COG3: variants seen among roughly 807,000 people sequenced by gnomAD.
COG3 encodes the protein conserved oligomeric Golgi complex subunit 3.
In COG3, 32 loss-of-function variants were observed where a neutral mutation model predicts 114.1. The ratio of observed to expected loss-of-function variants is 0.28; its 90% CI spans 0.21 to 0.38. The LOEUF is 0.38. Among genes scored for constraint, COG3 ranks in the 10% least tolerant of loss-of-function variants. COG3 has a pLI of 1.00. For synonymous variants in COG3, 352 were observed against 365.7 expected, an observed-to-expected ratio of 0.96 and a Z score of 0.43; for missense variants, 813 against 973.2, an observed-to-expected ratio of 0.84 and a Z score of 2.19.
At chr13:45,489,185 TCAAAAAA>T (rs1296486858) in intron 8 of COG3, among the ~76,000 whole-genome samples, 1 of 23,098 alleles carries the variant, frequency 4.3e-5, no homozygotes, top group African/African-American at 2.4e-4. Flanking sequence ...AGACTCTGTT[TCAAAAAA>T]AAAAAAAAAA....
chr13:45,482,509 C>G (rs1156410854), intron 6 of COG3, 36 bp downstream of exon 6: 3 of 969,160 alleles, frequency 3.1e-6, no homozygotes, highest in South Asian at 2.9e-5. Context: ...TTAAAGAAAT[C>G]CTTAGATTCC....
chr13:45,486,289 T>A (rs1476737327), intron 7 of COG3, among the ~76,000 whole-genome samples: 1 of 108,776 alleles, frequency 9.2e-6, no homozygotes, highest in Non-Finnish European at 1.8e-5. Flanking sequence ...AGGGAGACCA[T>A]CGGGAGACGG....
chr13:45,480,699 G>A (rs1169099448), intron 4 of COG3, among the ~76,000 whole-genome samples: 3 of 152,152 alleles, frequency 2.0e-5, no homozygotes, highest in Non-Finnish European at 2.9e-5. Context: ...CCAAGTAGCT[G>A]GGATTACAGG....
Position 45,535,322 on chromosome 13 carries a change from G to GT in COG3, c.*594dup, listed in dbSNP as rs1873479999. ...CCTTTCCTCTGTTTGATGTGAGGTA[G>GT]TTTAAAGATACAAGGACTTTGTGTG... On this transcript the variant is annotated 3_prime_UTR_variant, in exon 23 of 23. Coordinates refer to ENST00000349995, the MANE Select transcript of COG3 (RefSeq NM_031431.4). The GT allele has an allele frequency of 1.5e-5, 15 of 985,450 alleles. No individual in the cohort carries two copies. The South Asian group carries it at 7.0e-4, about 46-fold the overall frequency. 61.0% of individuals were successfully genotyped at this position (985,450 alleles called of 1,614,324 possible). A position where few individuals can be genotyped will look rare whatever the true frequency, so the allele number is the denominator to read the frequency against.
intron 8 of COG3, among the ~76,000 whole-genome samples, chr13:45,488,747 T>C (rs1886828100): frequency 1.3e-5 from 2 of 152,324 alleles, no homozygotes; most frequent in South Asian, 4.1e-4. Flanking sequence ...CAAAGATCAA[T>C]ATATGTTATA....
At chr13:45,533,780 G>T (rs1873367455) in intron 22 of COG3, among the ~76,000 whole-genome samples, 1 of 152,182 alleles carries the variant, frequency 6.6e-6, no homozygotes, top group South Asian at 2.1e-4. Context: ...ACCTTGACAG[G>T]CCAGTTATTC....
chr13:45,480,391 A>G (rs1018966954), intron 4 of COG3, 101 bp downstream of exon 4: 32 of 852,536 alleles, frequency 3.8e-5, no homozygotes, highest in South Asian at 6.9e-5. Context: ...AAGATGTTCA[A>G]CTCTGCTGTG....
At chr13:45,521,577 GCACACA>G (rs3084002) in intron 19 of COG3, among the ~76,000 whole-genome samples, 8 of 148,376 alleles carry the variant, frequency 5.4e-5, no homozygotes, top group Non-Finnish European at 9.0e-5. Context: ...ATACATACGT[GCACACA>G]CACACACACA....
At chr13:45,473,120 C>G (rs1247137812) in intron 1 of COG3, among the ~76,000 whole-genome samples, 1 of 152,204 alleles carries the variant, frequency 6.6e-6, no homozygotes, top group Admixed American at 6.5e-5. Flanking sequence ...CCTCCCACCT[C>G]AGCCTCCCAA....
At chr13:45,505,477 T>C (rs1870032055) in intron 14 of COG3, among the ~76,000 whole-genome samples, 1 of 151,722 alleles carries the variant, frequency 6.6e-6, no homozygotes, top group Non-Finnish European at 1.5e-5. Context: ...AATTTTTGTA[T>C]TTTTTAGTAG....
chr13:45,516,288 A>G, intron 17 of COG3, 25 bp downstream of exon 17: 1 of 1,553,234 alleles, frequency 6.4e-7, no homozygotes, highest in South Asian at 1.3e-5. Flanking sequence ...TGGCTGGCAC[A>G]CTTGGGTGTG....
At chr13:45,523,759 A>G (rs1872418702) in intron 19 of COG3, among the ~76,000 whole-genome samples, 1 of 152,228 alleles carries the variant, frequency 6.6e-6, no homozygotes. Flanking sequence ...AAATGACCAG[A>G]ATGTAGATTT....
intron 12 of COG3, 38 bp downstream of exon 12, chr13:45,493,524 T>C: frequency 1.9e-6 from 3 of 1,567,480 alleles, no homozygotes. Flanking sequence ...GTTATATCAC[T>C]GGCTCAATGA....
At chr13:45,494,282 G>A (rs553933710) in intron 12 of COG3, among the ~76,000 whole-genome samples, 5 of 146,648 alleles carry the variant, frequency 3.4e-5, no homozygotes, top group East Asian at 2.0e-4. Flanking sequence ...CCGAGATTGC[G>A]CCATTACACC....
intron 13 of COG3, among the ~76,000 whole-genome samples, chr13:45,502,580 C>T (rs1411446236): frequency 6.6e-6 from 1 of 151,978 alleles, no homozygotes; most frequent in East Asian, 1.9e-4. Context: ...GTGGACTGGC[C>T]TATGTGGTAG....
At chr13:45,507,161 T>G (rs1486492877) in intron 14 of COG3, among the ~76,000 whole-genome samples, 1 of 152,238 alleles carries the variant, frequency 6.6e-6, no homozygotes, top group Non-Finnish European at 1.5e-5. Context: ...TTTAAAGTAC[T>G]TAAACACATT....
At chr13:45,527,150 G>A (rs1872767252) in intron 20 of COG3, among the ~76,000 whole-genome samples, 1 of 151,994 alleles carries the variant, frequency 6.6e-6, no homozygotes, top group African/African-American at 2.4e-5. Flanking sequence ...CTCAAAATAG[G>A]GACTGTCATT....
At chr13:45,471,967 A>T (rs1042608099) in intron 1 of COG3, among the ~76,000 whole-genome samples, 5 of 152,280 alleles carry the variant, frequency 3.3e-5, no homozygotes, top group African/African-American at 1.2e-4. Flanking sequence ...TCCTGACCTC[A>T]GGTGATCCAC....
intron 22 of COG3, among the ~76,000 whole-genome samples, chr13:45,531,670 G>A (rs1306126902): frequency 6.6e-6 from 1 of 151,974 alleles, no homozygotes; most frequent in Non-Finnish European, 1.5e-5. Flanking sequence ...ACCATGCCGA[G>A]CTAATTTTTG....
Sources: allele counts gnomAD v4.1 joint callset (sites outside exome capture counted in the v4.1 genomes callset), GRCh38; gene constraint gnomAD v4.1.1; transcripts MANE v1.5; gene names NCBI Gene and HGNC (gene_info 2026-07-23, HGNC 2026-07-21).